The following VAMP4 variants were observed in gnomAD, a reference collection of about 807,000 sequenced individuals.
The protein encoded by VAMP4 is vesicle associated membrane protein 4, also known as vesicle-associated membrane protein 4.
A neutral mutation model predicts 23.5 loss-of-function variants in VAMP4; 19 were observed. That is an observed-to-expected ratio of 0.81 (90% CI 0.56 to 1.19). The LOEUF (loss-of-function observed/expected upper bound fraction) is 1.19. Ranked by LOEUF, VAMP4 falls within the 50% of genes most tolerant of loss-of-function variation. The pLI is 0.00. For synonymous variants in VAMP4, 31 were observed against 51.0 expected, an observed-to-expected ratio of 0.61 and a Z score of 1.67; for missense variants, 145 against 168.6, an observed-to-expected ratio of 0.86 and a Z score of 0.78.
At chr1:171,724,083 T>C (rs1655284164) in intron 3 of VAMP4, among the ~76,000 whole-genome samples, 1 of 152,008 alleles carries the variant, frequency 6.6e-6, no homozygotes. Context: ...CAAATGTCCA[T>C]CAGTGACAGA....
chr1:171,735,427 G>A (rs182602212), intron 2 of VAMP4, among the ~76,000 whole-genome samples: 141 of 152,224 alleles, frequency 9.3e-4, no homozygotes, highest in African/African-American at 3.2e-3. Context: ...AACAAGTTCC[G>A]AGAGGTGATT....
intron 6 of VAMP4, among the ~76,000 whole-genome samples, chr1:171,708,573 T>C (rs1236460044): frequency 6.6e-6 from 1 of 151,544 alleles, no homozygotes; most frequent in African/African-American, 2.4e-5. Flanking sequence ...TTTAGAAAGT[T>C]ATTGCTGGCT....
chr1:171,728,714 C>A, intron 2 of VAMP4, 144 bp from the exon 3 acceptor site: 1 of 715,846 alleles, frequency 1.4e-6, no homozygotes, highest in South Asian at 2.4e-5. Context: ...ACATATCCTT[C>A]ACTGGAAGCT....
intron 1 of VAMP4, among the ~76,000 whole-genome samples, chr1:171,739,389 T>C (rs535200013): frequency 1.3e-5 from 2 of 152,318 alleles, no homozygotes; most frequent in African/African-American, 2.4e-5. Flanking sequence ...GCACAGAAGC[T>C]CTGTACCCCT....
intron 2 of VAMP4, among the ~76,000 whole-genome samples, chr1:171,733,033 A>G (rs1362048439): frequency 1.3e-5 from 2 of 152,174 alleles, no homozygotes; most frequent in East Asian, 3.8e-4. Flanking sequence ...AGAAATGGCC[A>G]ATGACCACAT....
At chr1:171,709,274 A>C (rs1654767993) in intron 6 of VAMP4, among the ~76,000 whole-genome samples, 1 of 152,154 alleles carries the variant, frequency 6.6e-6, no homozygotes, top group South Asian at 2.1e-4. Context: ...CTTTCAACCG[A>C]AAGTCATATT....
At chr1:171,710,616 A>G (rs560314403) in intron 5 of VAMP4, 98 bp downstream of exon 5, 3 of 920,370 alleles carry the variant, frequency 3.3e-6, no homozygotes, top group East Asian at 2.7e-5. Flanking sequence ...CCAAATGCCA[A>G]TTTCCTAAGC....
chr1:171,724,217 G>A (rs11805692), intron 3 of VAMP4, among the ~76,000 whole-genome samples: 52,954 of 151,098 alleles, frequency 0.35, 9,688 homozygotes, highest in African/African-American at 0.47. Context: ...GCAAACTATC[G>A]CAAAGACAGA....
At chr1:171,729,420 G>T (rs1655487155) in intron 2 of VAMP4, among the ~76,000 whole-genome samples, 2 of 152,094 alleles carry the variant, frequency 1.3e-5, no homozygotes, top group South Asian at 4.1e-4. Flanking sequence ...TAGCCTAAGG[G>T]TAATTTCACA....
chr1:171,707,189 C>G (rs1189931341), intron 6 of VAMP4, among the ~76,000 whole-genome samples: 1 of 152,080 alleles, frequency 6.6e-6, no homozygotes. Flanking sequence ...AGTTTCACAG[C>G]CCCCAGATAT....
At chr1:171,734,121 AG>A (rs1290680703) in intron 2 of VAMP4, among the ~76,000 whole-genome samples, 5 of 152,044 alleles carry the variant, frequency 3.3e-5, no homozygotes, top group African/African-American at 1.2e-4. Flanking sequence ...TACAAAAATT[AG>A]CTGGGCGTGG....
At chr1:171,710,866 A>C in intron 4 of VAMP4, 52 bp from the exon 5 acceptor site, 1 of 1,347,920 alleles carries the variant, frequency 7.4e-7, no homozygotes, top group Non-Finnish European at 1.0e-6. Context: ...GAATGCTTAC[A>C]ATTTTTAAAA....
intron 4 of VAMP4, among the ~76,000 whole-genome samples, chr1:171,711,100 C>T (rs887318105): frequency 3.9e-5 from 6 of 152,050 alleles, no homozygotes; most frequent in African/African-American, 2.4e-5. Flanking sequence ...TCAGCATGCC[C>T]GTTAAGTACA....
intron 2 of VAMP4, among the ~76,000 whole-genome samples, chr1:171,736,941 C>A (rs1655761666): frequency 6.6e-6 from 1 of 152,166 alleles, no homozygotes; most frequent in Non-Finnish European, 1.5e-5. Context: ...TGCACCACTG[C>A]ACTTCAGCCT....
intron 4 of VAMP4, among the ~76,000 whole-genome samples, chr1:171,718,180 T>C (rs1655078615): frequency 6.6e-6 from 1 of 152,170 alleles, no homozygotes; most frequent in African/African-American, 2.4e-5. Context: ...GGTTCTTTGG[T>C]TCCATATCTC....
chr1:171,701,090 A>C lies in VAMP4; in HGVS notation c.*3416T>G, dbSNP rs983895903. 6.6e-6 allele frequency: 1 copy of C among 152,202 alleles called. No homozygotes were observed. The highest frequency in any genetic ancestry group is 2.4e-5 in the African/African-American group (1 of 41,456). 9.4% of individuals were successfully genotyped at this position (152,202 alleles called of 1,614,324 possible). On this transcript the variant is annotated 3_prime_UTR_variant, in exon 8 of 8. Transcript: ENST00000236192. ...ATTTTTAGACAAAAGCATTTAGACA[A>C]ATTTCATTTGTCTACAACATGGAAA...
chr1:171,735,919 C>T (rs1480804869), intron 2 of VAMP4, among the ~76,000 whole-genome samples: 1 of 151,978 alleles, frequency 6.6e-6, no homozygotes, highest in African/African-American at 2.4e-5. Context: ...TGGAATTTCA[C>T]TCTGTCACCC....
At chr1:171,734,578 T>C (rs899347327) in intron 2 of VAMP4, among the ~76,000 whole-genome samples, 11 of 152,322 alleles carry the variant, frequency 7.2e-5, no homozygotes, top group Non-Finnish European at 7.3e-5. Context: ...AATTGTACAC[T>C]TTAAGTGGGT....
At chr1:171,709,339 A>G (rs1654770258) in intron 6 of VAMP4, among the ~76,000 whole-genome samples, 1 of 152,132 alleles carries the variant, frequency 6.6e-6, no homozygotes, top group Non-Finnish European at 1.5e-5. Flanking sequence ...GGTTGCTCCA[A>G]AAAAGTATTA....
Sources: gnomAD v4.1 joint callset for allele counts (sites outside exome capture counted in the v4.1 genomes callset) on GRCh38, gnomAD v4.1.1 for gene constraint, MANE v1.5 for transcripts, NCBI Gene and HGNC (gene_info 2026-07-23, HGNC 2026-07-21) for gene names.